The following VIPR2 variants were observed in gnomAD, a reference collection of about 807,000 sequenced individuals.
VIPR2 encodes vasoactive intestinal peptide receptor 2.
A neutral mutation model predicts 58.0 loss-of-function variants in VIPR2; 48 were observed. The observed-to-expected ratio is 0.83, with a 90% CI of 0.66 to 1.05. The LOEUF (loss-of-function observed/expected upper bound fraction) is 1.05. VIPR2 is among the 50% of genes least tolerant of loss of function. The pLI is 0.00. For missense variants in VIPR2, 534 were observed against 558.0 expected (o/e 0.96, Z 0.43); for synonymous variants, 243 against 235.2 (o/e 1.03, Z -0.30).
rs746593042 is a variant in VIPR2 at position 159,109,917 on chromosome 7, A to G, written c.154T>C (p.Cys52Arg). 4.3e-6 allele frequency: 7 copies of G among 1,613,422 alleles called. No individual in the cohort carries two copies. The highest frequency in any genetic ancestry group is 5.9e-6 in the Non-Finnish European group (7 of 1,180,014). ...GTGATGTTGTCCCAGACGCCACTGC[A>G]GGCTGGAAGGAGAGAAGCAGAGTGA... ...LRSQTEKHKA[C>R]SGVWDNITCW... Residue 52 changes from cysteine to arginine, a missense_variant and splice_region_variant, in exon 3 of 13, where the codon TGC becomes CGC. Transcript: ENST00000262178.
At position 159,095,373 on chromosome 7, in the gene VIPR2, G is replaced by T. The variant is rs550740836; in HGVS notation, c.357+8384C>A. ...GAGGGCCGGGCAAATGCTCACAGCC[G>T]GTGACAGGGCTCACAGTCGGGGAAC... On this transcript the variant is annotated intron_variant, in intron 4 of 12. Coordinates refer to ENST00000262178, the MANE Select transcript of VIPR2 (RefSeq NM_003382.5). This position sits in a 1 kb window ranked among gnomAD's most constrained non-coding sequence, Gnocchi z 5.2. Among the ~76,000 whole-genome samples the T allele has an allele frequency of 9.5e-4, 145 of 152,148 alleles. No homozygotes were observed. The highest frequency in any genetic ancestry group is 2.0e-3 in the Non-Finnish European group (133 of 68,028).
At chr7:159,142,326 C>CCTTT (rs1353919826) in intron 2 of VIPR2, 120 bp downstream of exon 2, 1 of 715,458 alleles carries the variant, frequency 1.4e-6, no homozygotes, top group African/African-American at 1.9e-5. Context: ...TGGGAAGTGG[C>CCTTT]CTTTCTTTTT....
intron 6 of VIPR2, 99 bp downstream of exon 6, chr7:159,042,936 C>T: frequency 6.8e-7 from 1 of 1,464,220 alleles, no homozygotes; most frequent in Non-Finnish European, 9.2e-7. Context: ...TGTGCCCTGA[C>T]AGGAACCCTG....
In VIPR2 at chr7:159,103,744, C is replaced by T. The variant is rs754991210; in HGVS notation, c.357+13G>A. On this transcript the variant is annotated intron_variant, in intron 4 of 12. Transcript: ENST00000262178. ...GTGGAACCTCACCACCGTAGCACCA[C>T]GCAGGAGCCTACCTTGCTCTCATCC... The T allele has an allele frequency of 9.3e-6, 15 of 1,610,850 alleles. No homozygotes were observed. The highest frequency in any genetic ancestry group is 4.4e-5 in the South Asian group (4 of 91,014).
chr7:159,052,570 A>G (rs983395597), intron 5 of VIPR2, among the ~76,000 whole-genome samples: 1 of 152,218 alleles, frequency 6.6e-6, no homozygotes, highest in Non-Finnish European at 1.5e-5. Flanking sequence ...GGCCAACACC[A>G]AACCTTACCA....
intron 3 of VIPR2, 67 bp downstream of exon 3, chr7:159,109,745 T>C: frequency 6.9e-7 from 1 of 1,440,576 alleles, no homozygotes; most frequent in Non-Finnish European, 9.8e-7. Context: ...GCTTCTTGGA[T>C]GGAAAAAATG....
chr7:159,040,953 C>G (rs549145379), intron 6 of VIPR2, among the ~76,000 whole-genome samples: 16 of 152,150 alleles, frequency 1.1e-4, no homozygotes. Context: ...ACTAGAGTCA[C>G]GGGGCATCTG....
rs1853349033 is a variant in VIPR2 at position 159,028,333 on chromosome 7, G to T, written c.*2283C>A. 1 of 154,084 alleles carries T rather than the reference G, an allele frequency of 6.5e-6. No individual in the cohort carries two copies. The highest frequency in any genetic ancestry group is 6.5e-5 in the Admixed American group (1 of 15,304). 9.5% of individuals were successfully genotyped at this position (154,084 alleles called of 1,614,324 possible). On this transcript the variant is annotated 3_prime_UTR_variant, in exon 13 of 13. Transcript: ENST00000262178. Reference sequence around the variant, plus strand: ...CCAGGCATCTGTCAGGAAACAGCCGGCCCCTCTACCAGGAGAAACCAGTCA... The same window carrying T: ...CCAGGCATCTGTCAGGAAACAGCCGTCCCCTCTACCAGGAGAAACCAGTCA...
In VIPR2 at chr7:159,036,911, C is replaced by T. The variant is rs370111841; in HGVS notation, c.598-9G>A. On this transcript the variant is annotated splice_polypyrimidine_tract_variant and intron_variant, in intron 6 of 12. Coordinates refer to ENST00000262178, the MANE Select transcript of VIPR2 (RefSeq NM_003382.5). Reference sequence around the variant, plus strand: ...CTCAGCTTGCAGCCCACCTGGAAACCGCAAACAGAGGAGAGGAAAGCATGA... The same window carrying T: ...CTCAGCTTGCAGCCCACCTGGAAACTGCAAACAGAGGAGAGGAAAGCATGA... 6.5e-5 allele frequency: 105 copies of T among 1,609,874 alleles called. No homozygotes were observed. Among genetic ancestry groups the T allele is most frequent in the South Asian group, 1.2e-4 (11 of 90,688 alleles).
At chr7:159,090,548 A>AC (rs1252749319) in intron 4 of VIPR2, among the ~76,000 whole-genome samples, 2 of 99,496 alleles carry the variant, frequency 2.0e-5, no homozygotes, top group Admixed American at 9.7e-5. Context: ...ACACGCTGGG[A>AC]CCACGCACAG....
At position 159,079,274 on chromosome 7, in the gene VIPR2, C is replaced by T. The variant is rs191557190; in HGVS notation, c.358-20696G>A. Reference sequence around the variant, plus strand: ...ACAGAAATTATAACAAACTGTCTCTCAGACCACACTGCAATCAAACTAGAA... The same window carrying T: ...ACAGAAATTATAACAAACTGTCTCTTAGACCACACTGCAATCAAACTAGAA... On this transcript the variant is annotated intron_variant, in intron 4 of 12. Coordinates refer to ENST00000262178, the MANE Select transcript of VIPR2 (RefSeq NM_003382.5). 8.8e-3 allele frequency among the ~76,000 whole-genome samples: 1,338 copies of T among 152,306 alleles called. 87 individuals carry two copies. Among genetic ancestry groups the T allele is most frequent in the Admixed American group, 0.084 (1,284 of 15,302 alleles).
In VIPR2 at chr7:159,144,832, G is replaced by T; in HGVS notation, c.-61C>A. On this transcript the variant is annotated 5_prime_UTR_variant, in exon 1 of 13. Coordinates refer to ENST00000262178, the MANE Select transcript of VIPR2 (RefSeq NM_003382.5). ...GCCGCCTCCGTCCTAGGTCCCCGCG[G>T]TTCCGCCGCCTCCAGCATGGGCCGG... is the stretch of plus-strand genomic sequence containing the variant. 8.2e-6 allele frequency: 10 copies of T among 1,224,148 alleles called. No homozygotes were observed. The highest frequency in any genetic ancestry group is 1.0e-5 in the Non-Finnish European group (10 of 981,618). The allele number at this position is 1,224,148 out of a possible 1,614,324, so 75.8% of individuals were successfully genotyped here.
chr7:159,070,633 A>G (rs1300025960), intron 4 of VIPR2, among the ~76,000 whole-genome samples: 1 of 152,222 alleles, frequency 6.6e-6, no homozygotes. Context: ...CCTGTACTTC[A>G]CCACAGGAAG....
rs1854447461 is a variant in VIPR2 at position 159,043,133 on chromosome 7, G to A, written c.499C>T (p.Leu167=). The change falls in exon 6 of 13, where the codon CTG becomes TTG. Residue 167 remains leucine (L), a synonymous_variant. Coordinates refer to ENST00000262178, the MANE Select transcript of VIPR2 (RefSeq NM_003382.5). The part of the protein sequence containing the change: ...TRNYIHLNLF[L]SFILRAISVL... Reference sequence around the variant, plus strand: ...GAGATGGCTCTCAGGATGAAGGACAGGAACAGGTTCAGGTGGATGTAATTC... The same window carrying A: ...GAGATGGCTCTCAGGATGAAGGACAAGAACAGGTTCAGGTGGATGTAATTC... 1.2e-6 allele frequency: 2 copies of A among 1,613,882 alleles called. No individual in the cohort carries two copies. The highest frequency in any genetic ancestry group is 1.7e-5 in the Admixed American group (1 of 59,978).
intron 4 of VIPR2, among the ~76,000 whole-genome samples, chr7:159,074,085 A>C (rs1017071082): frequency 6.6e-6 from 1 of 152,258 alleles, no homozygotes; most frequent in African/African-American, 2.4e-5. Context: ...ACATTAGAAA[A>C]GAAAAAAACA....
rs1030019029 is a variant in VIPR2, at chr7:159,030,539, G to T, written c.*77C>A. ...CGACACGGTGCTCGGGCATCTGGAA[G>T]GAGGAAGCCGGCGTCTCAGCCCCGC... On this transcript the variant is annotated 3_prime_UTR_variant, in exon 13 of 13. Transcript: ENST00000262178. 2.3e-5 allele frequency: 34 copies of T among 1,452,164 alleles called. No homozygotes were observed. The African/African-American group carries it at 4.8e-4, about 20-fold the overall frequency. 90.0% of individuals were successfully genotyped at this position (1,452,164 alleles called of 1,614,324 possible).
At chr7:159,072,223 G>A (rs1378236123) in intron 4 of VIPR2, among the ~76,000 whole-genome samples, 5 of 151,866 alleles carry the variant, frequency 3.3e-5, no homozygotes, top group African/African-American at 9.7e-5. Flanking sequence ...CGATGGTACC[G>A]GCAGGTAAGA....
At chr7:159,085,729 G>A (rs1030243082) in intron 4 of VIPR2, among the ~76,000 whole-genome samples, 5 of 149,478 alleles carry the variant, frequency 3.3e-5, no homozygotes, top group Non-Finnish European at 7.4e-5. Context: ...TTTTTTTTTC[G>A]TTAGGAGTAA....
intron 2 of VIPR2, among the ~76,000 whole-genome samples, chr7:159,129,080 C>A (rs111548470): frequency 0.022 from 3,408 of 152,038 alleles, 151 homozygotes; most frequent in African/African-American, 0.079. Flanking sequence ...CGTCACCACC[C>A]GCCTGGGGGG....
Sources: gnomAD v4.1 joint callset for allele counts (sites outside exome capture counted in the v4.1 genomes callset) on GRCh38, gnomAD v4.1.1 for gene constraint, Gnocchi (gnomAD v3.1) non-coding constraint, MANE v1.5 for transcripts, NCBI Gene and HGNC (gene_info 2026-07-23, HGNC 2026-07-21) for gene names.